Variants in MTTP observed in about 807,000 individuals in gnomAD.
The protein encoded by MTTP is microsomal triglyceride transfer protein large subunit.
MTTP carries 49 observed loss-of-function variants against 90.6 expected under a neutral mutation model. The observed-to-expected ratio is 0.54, with a 90% CI of 0.43 to 0.69. The LOEUF (loss-of-function observed/expected upper bound fraction) is 0.69. Among genes scored for constraint, MTTP ranks in the 30% least tolerant of loss-of-function variants. The pLI is 0.00. For synonymous variants in MTTP, 347 were observed against 384.2 expected, an observed-to-expected ratio of 0.90 and a Z score of 1.13; for missense variants, 945 against 1,067.5, an observed-to-expected ratio of 0.89 and a Z score of 1.60.
chr4:99,588,144 TC>T (rs1725302911), intron 3 of MTTP, among the ~76,000 whole-genome samples: 4 of 122,386 alleles, frequency 3.3e-5, no homozygotes, highest in Non-Finnish European at 7.6e-5. Context: ...AAAAGTATTC[TC>T]TTCTTCTAAG....
chr4:99,612,993 T>G lies in MTTP; in HGVS notation c.2070T>G (p.Ala690=). Residue 690 remains alanine (A), a synonymous_variant, in exon 15 of 18, where the codon GCT becomes GCG. Coordinates refer to ENST00000265517, the MANE Select transcript of MTTP (RefSeq NM_001386140.1). ...DEGEENLDSY[A]GMSAILFDVQ... ...GGGAGGAGAACCTTGACTCCTATGC[T>G]GGTATGTCAGCCATCCTCTTTGATG... 6.2e-7 allele frequency: 1 copy of G among 1,614,092 alleles called. No homozygotes were observed. The highest frequency in any genetic ancestry group is 8.5e-7 in the Non-Finnish European group (1 of 1,179,964).
rs773412720 is a variant in MTTP at position 99,621,161 on chromosome 4, T to G, written c.2443T>G (p.Ser815Ala). 7 of 1,614,090 alleles carry G rather than the reference T, an allele frequency of 4.3e-6. No individual in the cohort carries two copies. The highest frequency in any genetic ancestry group is 5.1e-6 in the Non-Finnish European group (6 of 1,179,962). ...AACAGAAGCAGGCTTGGAGTTTATC[T>G]CCACAGTGCAGTTTTCTCAGTACCC... ...TETEAGLEFI[S>A]TVQFSQYPFL... Residue 815 changes from serine to alanine, a missense_variant, in exon 17 of 18, where the codon TCC (serine) becomes GCC (alanine). Coordinates refer to ENST00000265517, the MANE Select transcript of MTTP (RefSeq NM_001386140.1).
chr4:99,614,058 G>A (rs938614863), intron 15 of MTTP, among the ~76,000 whole-genome samples: 1 of 152,124 alleles, frequency 6.6e-6, no homozygotes, highest in Non-Finnish European at 1.5e-5. Context: ...TTATTATATT[G>A]AGAATATATA....
At chr4:99,587,405 C>CT (rs1197167674) in intron 3 of MTTP, among the ~76,000 whole-genome samples, 1 of 152,090 alleles carries the variant, frequency 6.6e-6, no homozygotes, top group Non-Finnish European at 1.5e-5. Flanking sequence ...TTATATCTAT[C>CT]ATTCAGCCTG....
chr4:99,621,353 AT>A, intron 17 of MTTP, 122 bp downstream of exon 17: 1 of 1,290,988 alleles, frequency 7.7e-7, no homozygotes, highest in Non-Finnish European at 1.1e-6. Context: ...GGAAAGATGA[AT>A]TTTCTTTAAA....
In MTTP at chr4:99,597,132, T is replaced by C. The variant is rs1725575235; in HGVS notation, c.975T>C (p.Ala325=). The change falls in exon 8 of 18, where the codon GCT becomes GCC. Residue 325 remains alanine (A), a synonymous_variant. Coordinates refer to ENST00000265517, the MANE Select transcript of MTTP (RefSeq NM_001386140.1). ...CTGACAACCTTTCCAAGGCTGAGGC[T>C]GTCAGAAACTTCCTGGCCTTCATTC... ...LQPDNLSKAE[A]VRNFLAFIQH... 2 of 1,613,950 alleles carry C rather than the reference T, an allele frequency of 1.2e-6. No individual in the cohort carries two copies. The highest frequency in any genetic ancestry group is 2.7e-5 in the African/African-American group (2 of 74,910).
intron 1 of MTTP, among the ~76,000 whole-genome samples, chr4:99,567,909 C>CCA (rs368644398): frequency 4.4e-4 from 67 of 152,122 alleles, no homozygotes; most frequent in African/African-American, 1.5e-3. Context: ...TAAAAATATA[C>CCA]CACAGAAAAG....
chr4:99,566,288 C>CAA (rs772513158), intron 1 of MTTP, among the ~76,000 whole-genome samples: 133 of 80,178 alleles, frequency 1.7e-3, no homozygotes, highest in African/African-American at 5.0e-3. Context: ...TACTCCGTCT[C>CAA]AAAAAAAAGA....
At position 99,614,914 on chromosome 4, in the gene MTTP, G is replaced by A. The variant is rs990587480; in HGVS notation, c.2217+1774G>A. Among the ~76,000 whole-genome samples the A allele has an allele frequency of 4.6e-5, 7 of 152,294 alleles. No homozygotes were observed. In the East Asian group the frequency reaches 5.8e-4, roughly 13 times the overall value. ...ATGTAGAAAGGACAAAGAGCAGTGC[G>A]TCTTGTATCCCTTAATCCTCAAGTC... is the stretch of plus-strand genomic sequence containing the variant. On this transcript the variant is annotated intron_variant, in intron 15 of 17. Coordinates refer to ENST00000265517, the MANE Select transcript of MTTP (RefSeq NM_001386140.1).
rs1725674545 is a variant in MTTP, at chr4:99,600,696, C to T, written c.1199C>T (p.Ala400Val). Residue 400 changes from alanine (A) to valine (V), a missense_variant, in exon 9 of 18, where the codon GCT (alanine) becomes GTT (valine). Physicochemically the swap from Ala to Val is moderately conservative, Grantham distance 64 (BLOSUM62 0). Transcript: ENST00000265517. ...QERFLYACGF[A>V]SHPNEELLRA... ...AGGTTTCTCTATGCCTGTGGATTTG[C>T]TTCTCATCCCAATGAAGAACTCCTG... The T allele has an allele frequency of 2.5e-6, 4 of 1,613,776 alleles. No individual in the cohort carries two copies. The highest frequency in any genetic ancestry group is 3.4e-6 in the Non-Finnish European group (4 of 1,179,792).
At chr4:99,615,501 G>A (rs888125221) in intron 15 of MTTP, among the ~76,000 whole-genome samples, 5 of 152,212 alleles carry the variant, frequency 3.3e-5, no homozygotes, top group Non-Finnish European at 4.4e-5. Flanking sequence ...GTGTCAGGTT[G>A]GAGTATTTGG....
At chr4:99,582,864 G>C (rs111717028) in intron 2 of MTTP, among the ~76,000 whole-genome samples, 1 of 152,090 alleles carries the variant, frequency 6.6e-6, no homozygotes, top group Non-Finnish European at 1.5e-5. Context: ...AATTGCTCTT[G>C]TGTTTTCCAA....
rs2110207599 is a variant in MTTP, at chr4:99,574,979, G to T, written c.61+9G>T. On this transcript the variant is annotated intron_variant, in intron 1 of 17. Transcript: ENST00000265517. The stretch of plus-strand genomic sequence containing the variant: ...TTCAGCTTCTGTTAAAGGTAAGTTT[G>T]TGTTGCCTTTTGCTAAACTTTAATT... 3 of 1,613,932 alleles carry T rather than the reference G, an allele frequency of 1.9e-6. No homozygotes were observed. The highest frequency in any genetic ancestry group is 2.5e-6 in the Non-Finnish European group (3 of 1,179,932).
At chr4:99,564,359 T>G in intron 1 of MTTP, 1 of 956,102 alleles carries the variant, frequency 1.0e-6, no homozygotes, top group Non-Finnish European at 1.5e-6. Flanking sequence ...ATATTATTTT[T>G]AATTTATACA....
At chr4:99,581,007 G>GGCAAT (rs1725098120) in intron 1 of MTTP, among the ~76,000 whole-genome samples, 2 of 152,074 alleles carry the variant, frequency 1.3e-5, no homozygotes. Flanking sequence ...TAGTAAACTG[G>GGCAAT]GCAATGCAAC....
chr4:99,615,864 T>C (rs1452662908), intron 15 of MTTP, among the ~76,000 whole-genome samples: 1 of 152,240 alleles, frequency 6.6e-6, no homozygotes, highest in African/African-American at 2.4e-5. Context: ...GAAACACTTA[T>C]GGGACCAAGA....
chr4:99,591,240 T>C lies in MTTP; in HGVS notation c.507T>C (p.Asp169=), dbSNP rs1388191865. Residue 169 remains aspartate, a synonymous_variant, in exon 5 of 18, where the codon GAT becomes GAC. Coordinates refer to ENST00000265517, the MANE Select transcript of MTTP (RefSeq NM_001386140.1). ...QLSSGTTNEV[D]ISGNCKVTYQ... is the part of the protein sequence containing the mutation. ...GCCCTTGCCTTTCTTTTTAGGTAGA[T>C]ATCTCTGGAAATTGTAAAGTGACCT... 3 of 1,605,420 alleles carry C rather than the reference T, an allele frequency of 1.9e-6. No individual in the cohort carries two copies. Among genetic ancestry groups the C allele is most frequent in the African/African-American group, 2.7e-5 (2 of 74,640 alleles).
intron 1 of MTTP, among the ~76,000 whole-genome samples, chr4:99,580,253 G>A (rs1725071769): frequency 6.6e-6 from 1 of 151,460 alleles, no homozygotes; most frequent in African/African-American, 2.4e-5. Context: ...ATAGATAAGA[G>A]CATCATCTTT....
In MTTP at chr4:99,601,645, A is replaced by G. The variant is rs1272181497; in HGVS notation, c.1275A>G (p.Arg425=). 19 of 1,612,990 alleles carry G rather than the reference A, an allele frequency of 1.2e-5. No homozygotes were observed. Among genetic ancestry groups the G allele is most frequent in the Non-Finnish European group, 1.4e-5 (17 of 1,179,272 alleles). ...FKGSIGSSDI[R]ETVMIITGTL... ...GTTCTATTGGTAGCAGTGACATCAG[A>G]GAAACTGTTATGATCATCACTGGGA... Residue 425 remains arginine (R), a synonymous_variant, in exon 10 of 18, where the codon AGA becomes AGG. Transcript: ENST00000265517.
Sources: allele counts gnomAD v4.1 joint callset (sites outside exome capture counted in the v4.1 genomes callset), GRCh38; gene constraint gnomAD v4.1.1; transcripts MANE v1.5; gene names NCBI Gene and HGNC (gene_info 2026-07-23, HGNC 2026-07-21).